Variants in ITGAL observed in about 807,000 individuals in gnomAD.
ITGAL encodes integrin alpha-L.
In ITGAL, 68 loss-of-function variants were observed where a neutral mutation model predicts 138.4. That is an observed-to-expected ratio of 0.49 (90% confidence interval 0.40 to 0.60). The LOEUF (loss-of-function observed/expected upper bound fraction) is 0.60, where lower values mean the gene tolerates loss of function less well. Ranked by LOEUF, ITGAL falls within the 20% of genes least tolerant of loss-of-function variation. The probability of loss-of-function intolerance (pLI) is 0.00; values close to 1 mark genes in which losing one functional copy is unlikely to be tolerated. For missense variants in ITGAL, 1,256 were observed against 1,478.6 expected (o/e 0.85, Z 2.47); for synonymous variants, 561 against 584.3 (o/e 0.96, Z 0.57).
chr16:30,511,586 C>G (rs2051092375), intron 24 of ITGAL, among the ~76,000 whole-genome samples: 2 of 152,170 alleles, frequency 1.3e-5, no homozygotes, highest in South Asian at 4.1e-4. Context: ...CTCCAAAGGC[C>G]CAGCCAAGCT....
At chr16:30,480,155 C>T (rs1209058792) in intron 6 of ITGAL, among the ~76,000 whole-genome samples, 2 of 149,724 alleles carry the variant, frequency 1.3e-5, no homozygotes, top group Non-Finnish European at 3.0e-5. Context: ...TGGTCCCAAA[C>T]TCCTGGATCT....
chr16:30,513,478 G>A (rs36005709), intron 24 of ITGAL, among the ~76,000 whole-genome samples: 14 of 152,182 alleles, frequency 9.2e-5, no homozygotes, highest in African/African-American at 2.4e-5. Context: ...GAGATGAGCA[G>A]GGCCCAGAGG....
Position 30,504,785 on chromosome 16 carries a change from G to A in ITGAL, c.2236-459G>A, listed in dbSNP as rs2050959562. 8.4e-5 allele frequency: 13 copies of A among 154,948 alleles called. No individual in the cohort carries two copies. In the South Asian group the frequency reaches 2.2e-3, roughly 26 times the overall value. 9.6% of individuals were successfully genotyped at this position (154,948 alleles called of 1,614,324 possible). A position where few individuals can be genotyped will look rare whatever the true frequency, so the allele number is the denominator to read the frequency against. ...TAATCCCAGCACTTTGGAAGGCTGA[G>A]GGGGGTGGATTGCTTGAGACCAGGA... On this transcript the variant is annotated intron_variant, in intron 18 of 30. Coordinates refer to ENST00000356798, the MANE Select transcript of ITGAL (RefSeq NM_002209.3).
At chr16:30,505,347 TC>T in intron 19 of ITGAL, 41 bp from the exon 20 acceptor site, 1 of 1,613,056 alleles carries the variant, frequency 6.2e-7, no homozygotes, top group Middle Eastern at 1.7e-4. Context: ...AACAAGTCCC[TC>T]CTGATCTGAG....
Position 30,494,808 on chromosome 16 carries a change from G to C in ITGAL, c.1461G>C (p.Gly487=), listed in dbSNP as rs776373400. 8.1e-6 allele frequency: 13 copies of C among 1,608,658 alleles called. No individual in the cohort carries two copies. In the South Asian group the frequency reaches 1.4e-4, roughly 18 times the overall value. Residue 487 remains glycine, a synonymous_variant, in exon 13 of 31, where the codon GGG becomes GGC. Coordinates refer to ENST00000356798, the MANE Select transcript of ITGAL (RefSeq NM_002209.3). The surrounding 1 kb of genome is among the most constrained non-coding windows in gnomAD (Gnocchi z 4.2). ...TGATTGGTGCCCCACTGTTCTATGG[G>C]GAGCAGAGAGGAGGCCGGGTGTTTA... The part of the protein sequence containing the change: ...LLLIGAPLFY[G]EQRGGRVFIY...
At chr16:30,497,980 C>T (rs2050827527) in intron 15 of ITGAL, among the ~76,000 whole-genome samples, 1 of 151,492 alleles carries the variant, frequency 6.6e-6, no homozygotes, top group African/African-American at 2.4e-5. Flanking sequence ...TGCAATGACT[C>T]ATGCCTGTAA....
intron 25 of ITGAL, 135 bp from the exon 26 acceptor site, chr16:30,516,837 GA>G: frequency 1.4e-6 from 1 of 715,928 alleles, no homozygotes; most frequent in Non-Finnish European, 2.6e-6. Flanking sequence ...CCAGTCACTG[GA>G]CACTGCCTAA....
chr16:30,509,040 G>A (rs2151169906), intron 21 of ITGAL, among the ~76,000 whole-genome samples: 1 of 152,100 alleles, frequency 6.6e-6, no homozygotes, highest in East Asian at 1.9e-4. Context: ...AGCTGGGTGT[G>A]GTAGCATGTG....
At chr16:30,499,741 T>TTTTTGACACAGAGTCTCGC (rs2050865815) in intron 17 of ITGAL, among the ~76,000 whole-genome samples, 1 of 47,716 alleles carries the variant, frequency 2.1e-5, no homozygotes, top group Non-Finnish European at 4.0e-5. Context: ...ATATTTTTTT[T>TTTTTGACACAGAGTCTCGC]TTTTTGACAC....
intron 22 of ITGAL, 140 bp from the exon 23 acceptor site, chr16:30,510,741 T>C: frequency 1.4e-6 from 1 of 724,236 alleles, no homozygotes; most frequent in Non-Finnish European, 2.4e-6. Flanking sequence ...ATCTTTGCAA[T>C]GGGTAGAATC....
intron 24 of ITGAL, among the ~76,000 whole-genome samples, chr16:30,511,523 A>C (rs1450712814): frequency 6.6e-6 from 1 of 152,158 alleles, no homozygotes; most frequent in African/African-American, 2.4e-5. Context: ...CACTTACCCA[A>C]GGTCCAATAG....
At chr16:30,491,846 T>G (rs2050728026) in intron 11 of ITGAL, among the ~76,000 whole-genome samples, 1 of 152,132 alleles carries the variant, frequency 6.6e-6, no homozygotes, top group Non-Finnish European at 1.5e-5. Context: ...ATGAAGCAAT[T>G]TACTTAACTA....
rs35994365 is a variant in ITGAL at position 30,475,734 on chromosome 16, CTTTTTTTTTTTT to C, written c.327+169_327+180del. Among the ~76,000 whole-genome samples the C allele has an allele frequency of 6.1e-3, 495 of 81,296 alleles. 4 individuals carry two copies. Among genetic ancestry groups the C allele is most frequent in the Non-Finnish European group, 9.2e-3 (380 of 41,418 alleles). 53.3% of individuals were successfully genotyped at this position (81,296 alleles called of 152,430 possible). On this transcript the variant is annotated intron_variant, in intron 4 of 30. Coordinates refer to ENST00000356798, the MANE Select transcript of ITGAL (RefSeq NM_002209.3). Reference sequence around the variant, plus strand: ...TATTGAGAACCAATGATGAACCAGCCTTTTTTTTTTTTTTTTTTTTTTTTTTGAGACAAGGTC... The same window carrying C: ...TATTGAGAACCAATGATGAACCAGCCTTTTTTTTTTTTTTGAGACAAGGTC...
At chr16:30,487,189 A>C (rs2050660247) in intron 9 of ITGAL, among the ~76,000 whole-genome samples, 1 of 149,574 alleles carries the variant, frequency 6.7e-6, no homozygotes, top group South Asian at 2.1e-4. Context: ...TTGCCTAAGC[A>C]GGTCTTGAAC....
intron 29 of ITGAL, 78 bp downstream of exon 29, chr16:30,518,797 G>A (rs1048315635): frequency 9.4e-7 from 1 of 1,061,200 alleles, no homozygotes; most frequent in Non-Finnish European, 1.5e-6. Flanking sequence ...CTAGATGTGG[G>A]AGAGCTCCTG....
At chr16:30,484,345 A>C in intron 9 of ITGAL, 82 bp downstream of exon 9, 1 of 1,376,552 alleles carries the variant, frequency 7.3e-7, no homozygotes, top group South Asian at 1.3e-5. Flanking sequence ...TTGGTGGCTC[A>C]CACCTGTAAT....
rs2051077711 is a variant in ITGAL at position 30,510,805 on chromosome 16, TGGTG to T, written c.2620-75_2620-72del. On this transcript the variant is annotated intron_variant, in intron 22 of 30. Coordinates refer to ENST00000356798, the MANE Select transcript of ITGAL (RefSeq NM_002209.3). ...ACTTGATAAGGGGTCCCTGAGATGATGGTGATTAGATGTGGGGGCCATGAGGCTG... is the reference window on the plus strand; with the variant it reads ...ACTTGATAAGGGGTCCCTGAGATGATATTAGATGTGGGGGCCATGAGGCTG... 2.6e-6 allele frequency: 3 copies of T among 1,145,720 alleles called. No homozygotes were observed. In the East Asian group the frequency reaches 7.0e-5, roughly 27 times the overall value. The allele number at this position is 1,145,720 out of a possible 1,614,324, so 71.0% of individuals were successfully genotyped here. A position where few individuals can be genotyped will look rare whatever the true frequency, so the allele number is the denominator to read the frequency against.
At chr16:30,518,822 C>T in intron 29 of ITGAL, 103 bp downstream of exon 29, 1 of 836,028 alleles carries the variant, frequency 1.2e-6, no homozygotes, top group Non-Finnish European at 2.0e-6. Flanking sequence ...CTGTGCGAGT[C>T]AGAACTTCCC....
chr16:30,478,194 C>T (rs1422784844), intron 4 of ITGAL, among the ~76,000 whole-genome samples: 2 of 150,006 alleles, frequency 1.3e-5, no homozygotes, highest in Non-Finnish European at 3.0e-5. Context: ...ATTAACTGGG[C>T]GTGGTGGTGG....
Sources: allele counts gnomAD v4.1 joint callset (sites outside exome capture counted in the v4.1 genomes callset), GRCh38; gene constraint gnomAD v4.1.1; non-coding constraint Gnocchi (gnomAD v3.1); transcripts MANE v1.5; gene names NCBI Gene and HGNC (gene_info 2026-07-23, HGNC 2026-07-21).